Variants in ARHGAP6 observed in about 807,000 individuals in gnomAD.
ARHGAP6 encodes rho GTPase-activating protein 6.
ARHGAP6 carries 16 observed loss-of-function variants against 55.7 expected under a neutral mutation model. The ratio of observed to expected loss-of-function variants is 0.29; its 90% CI spans 0.19 to 0.44. The LOEUF is 0.44. Among genes scored for constraint, ARHGAP6 ranks in the 20% least tolerant of loss-of-function variants. The pLI, the probability that ARHGAP6 is intolerant of heterozygous loss-of-function variation, is 1.00. For synonymous variants in ARHGAP6, 382 were observed against 360.9 expected (o/e 1.06, Z -0.66); for missense variants, 698 against 808.9 (o/e 0.86, Z 1.66).
At chrX:11,407,366 G>T (rs979373773) in intron 1 of ARHGAP6, among the ~76,000 whole-genome samples, 14 of 112,306 alleles carry the variant, frequency 1.2e-4, no homozygotes, top group African/African-American at 3.9e-4. Context: ...TCTCTTGTAT[G>T]GTTGACCATA....
In ARHGAP6 at chrX:11,609,869, C is replaced by A. The variant is rs374557641; in HGVS notation, c.588+54372G>T. Among the ~76,000 whole-genome samples, 3 of 112,036 alleles carry A rather than the reference C, an allele frequency of 2.7e-5. No homozygotes were observed. The East Asian group carries it at 8.4e-4, about 32-fold the overall frequency. The stretch of plus-strand genomic sequence containing the variant: ...GGCTGGGCACTACTAAATGGAAGAA[C>A]CTGCCAGTAACCCAGGCTGGCCAAC... On this transcript the variant is annotated intron_variant, in intron 1 of 12. Coordinates refer to ENST00000337414, the MANE Select transcript of ARHGAP6 (RefSeq NM_013427.3).
intron 1 of ARHGAP6, among the ~76,000 whole-genome samples, chrX:11,383,309 G>A (rs758306251): frequency 4.5e-5 from 5 of 111,383 alleles, no homozygotes; most frequent in Non-Finnish European, 9.4e-5. Flanking sequence ...ACGAAACTCA[G>A]GATCCCAAAT....
At chrX:11,463,218 G>A (rs756541874) in intron 1 of ARHGAP6, among the ~76,000 whole-genome samples, 2 of 112,196 alleles carry the variant, frequency 1.8e-5, no homozygotes, top group East Asian at 5.6e-4. Flanking sequence ...ATTCAACTAT[G>A]GGTGTTCTGG....
At chrX:11,265,883 A>G (rs1451559727) in intron 1 of ARHGAP6, 1 of 952,490 alleles carries the variant, frequency 1.0e-6, no homozygotes. Context: ...TTGTTGCCAG[A>G]GACCTCCGCT....
At chrX:11,559,832 G>T (rs1415324624) in intron 1 of ARHGAP6, among the ~76,000 whole-genome samples, 2 of 108,770 alleles carry the variant, frequency 1.8e-5, no homozygotes, top group Non-Finnish European at 3.8e-5. Context: ...GGAGGCTGAG[G>T]CAGGAGAATG....
chrX:11,480,425 CA>C (rs1389374645), intron 1 of ARHGAP6, among the ~76,000 whole-genome samples: 2 of 109,686 alleles, frequency 1.8e-5, no homozygotes, highest in Non-Finnish European at 3.8e-5. Context: ...TAGTGGTTGC[CA>C]GGGGCTGAGG....
intron 6 of ARHGAP6, among the ~76,000 whole-genome samples, chrX:11,180,815 C>T (rs974701747): frequency 1.4e-4 from 16 of 112,177 alleles, no homozygotes; most frequent in Non-Finnish European, 2.6e-4. Flanking sequence ...GTGTGTCAGG[C>T]AGCCAAAACA....
chrX:11,451,641 C>T (rs935703469), intron 1 of ARHGAP6, among the ~76,000 whole-genome samples: 1 of 112,086 alleles, frequency 8.9e-6, no homozygotes, highest in East Asian at 2.8e-4. Context: ...GCTGCTCACT[C>T]TGTCTACAGT....
At chrX:11,560,532 T>C (rs1343562865) in intron 1 of ARHGAP6, among the ~76,000 whole-genome samples, 1 of 112,348 alleles carries the variant, frequency 8.9e-6, no homozygotes, top group Non-Finnish European at 1.9e-5. Context: ...ACACTCATCA[T>C]GCAAAACCAA....
In ARHGAP6 at chrX:11,502,404, C is replaced by G. The variant is rs149407539; in HGVS notation, c.588+161837G>C. ...TTCTCATGATGCTTTATTTCTTGAT[C>G]TGATGATAGTCACATGGGTGAGTCC... On this transcript the variant is annotated intron_variant, in intron 1 of 12. Coordinates refer to ENST00000337414, the MANE Select transcript of ARHGAP6 (RefSeq NM_013427.3). Among the ~76,000 whole-genome samples the G allele has an allele frequency of 4.7e-3, 529 of 112,522 alleles. 6 individuals are homozygous for G. Among genetic ancestry groups the G allele is most frequent in the African/African-American group, 0.016 (510 of 31,026 alleles).
chrX:11,480,707 G>T (rs1055174240), intron 1 of ARHGAP6, among the ~76,000 whole-genome samples: 1 of 111,668 alleles, frequency 9.0e-6, no homozygotes, highest in Non-Finnish European at 1.9e-5. Flanking sequence ...GTCTTTTTTA[G>T]TTGAAATAAC....
At chrX:11,175,885 C>A (rs1460768519) in intron 8 of ARHGAP6, among the ~76,000 whole-genome samples, 1 of 109,093 alleles carries the variant, frequency 9.2e-6, no homozygotes, top group Non-Finnish European at 1.9e-5. Context: ...AATTCCTATT[C>A]TGTACGTCTT....
chrX:11,512,103 G>T (rs2072671154), intron 1 of ARHGAP6, among the ~76,000 whole-genome samples: 1 of 111,794 alleles, frequency 8.9e-6, no homozygotes, highest in Non-Finnish European at 1.9e-5. Flanking sequence ...TGGGATTACA[G>T]GTGTGAGCCA....
At chrX:11,354,323 CTCTCTATATATATATATATA>C (rs1489825926) in intron 1 of ARHGAP6, among the ~76,000 whole-genome samples, 1 of 57,133 alleles carries the variant, frequency 1.8e-5, no homozygotes, top group Admixed American at 2.2e-4. Context: ...CTCTCTCTCT[CTCTCTATATATATATATATA>C]TATATATATA....
intron 1 of ARHGAP6, among the ~76,000 whole-genome samples, chrX:11,636,375 T>G (rs994981220): frequency 9.0e-6 from 1 of 111,620 alleles, no homozygotes; most frequent in Admixed American, 9.5e-5. Context: ...AAAGGGTAAT[T>G]TGTTTTAATA....
At chrX:11,233,711 T>A (rs1463606477) in intron 2 of ARHGAP6, among the ~76,000 whole-genome samples, 1 of 112,497 alleles carries the variant, frequency 8.9e-6, no homozygotes, top group Non-Finnish European at 1.9e-5. Flanking sequence ...GCTTTTAAAA[T>A]CATATTTTTT....
At chrX:11,353,584 G>A (rs1020510863) in intron 1 of ARHGAP6, among the ~76,000 whole-genome samples, 3 of 106,342 alleles carry the variant, frequency 2.8e-5, no homozygotes, top group African/African-American at 1.0e-4. Context: ...GTGTGTGTGT[G>A]TGTGTGTGTG....
chrX:11,166,234 G>T (rs751776943), intron 9 of ARHGAP6, among the ~76,000 whole-genome samples: 4 of 111,192 alleles, frequency 3.6e-5, no homozygotes, highest in South Asian at 7.8e-4. Context: ...ACAAATTTTG[G>T]GTCCCTGCCA....
At chrX:11,408,065 C>G (rs2049632236) in intron 1 of ARHGAP6, among the ~76,000 whole-genome samples, 1 of 110,933 alleles carries the variant, frequency 9.0e-6, no homozygotes, top group Non-Finnish European at 1.9e-5. Flanking sequence ...TAACTAAAGA[C>G]AACGTATGAC....
Sources: allele counts gnomAD v4.1 joint callset (sites outside exome capture counted in the v4.1 genomes callset), GRCh38; gene constraint gnomAD v4.1.1; transcripts MANE v1.5; gene names NCBI Gene and HGNC (gene_info 2026-07-23, HGNC 2026-07-21).